Variants in TENM3 observed in about 807,000 individuals in gnomAD.
The protein encoded by TENM3 is teneurin transmembrane protein 3, also known as teneurin-3.
TENM3 carries 63 observed loss-of-function variants against 255.1 expected under a neutral mutation model. The observed-to-expected ratio is 0.25, with a 90% CI of 0.20 to 0.30. The LOEUF is 0.30. Ranked by LOEUF, TENM3 falls within the 10% of genes least tolerant of loss-of-function variation. The pLI is 1.00. For missense variants in TENM3, 2,929 were observed against 3,461.1 expected, an observed-to-expected ratio of 0.85 and a Z score of 3.86; for synonymous variants, 1,306 against 1,322.3, an observed-to-expected ratio of 0.99 and a Z score of 0.27.
the TENM3 span, among the ~76,000 whole-genome samples, chr4:181,863,891 C>T: frequency 6.6e-6 from 1 of 152,088 alleles, no homozygotes; most frequent in South Asian, 2.1e-4. Context: ...CACAGCACAG[C>T]CCATGATGAG....
chr4:182,164,480 C>T (rs376349148), intron 1 of TENM3, among the ~76,000 whole-genome samples: 5 of 152,184 alleles, frequency 3.3e-5, no homozygotes, highest in African/African-American at 7.2e-5. Flanking sequence ...TGGATTTGCA[C>T]GGTGACTTCC....
At chr4:181,516,369 A>T in the TENM3 span, among the ~76,000 whole-genome samples, 17 of 9,110 alleles carry the variant, frequency 1.9e-3, no homozygotes, top group Non-Finnish European at 4.2e-3. Context: ...AAAAATATTT[A>T]AAAAAAAAAA....
rs145845719 is a variant in TENM3 at position 182,365,098 on chromosome 4, A to G, written c.511+18169A>G. On this transcript the variant is annotated intron_variant, in intron 3 of 27. Transcript: ENST00000511685. ...GTTTCCATGCTTTAAATTTTTGACA[A>G]TTGGACCGATGAAACGTGTCTTACC... Among the ~76,000 whole-genome samples, 623 of 152,304 alleles carry G rather than the reference A, an allele frequency of 4.1e-3. 4 individuals are homozygous for G. Among genetic ancestry groups the G allele is most frequent in the African/African-American group, 0.014 (589 of 41,544 alleles).
the TENM3 span, among the ~76,000 whole-genome samples, chr4:182,006,882 T>G: frequency 6.6e-6 from 1 of 152,198 alleles, no homozygotes; most frequent in Non-Finnish European, 1.5e-5. Flanking sequence ...TAAGTTTCTG[T>G]CTTAATACTG....
chr4:182,658,738 C>T (rs1264702513), intron 6 of TENM3, among the ~76,000 whole-genome samples: 1 of 152,202 alleles, frequency 6.6e-6, no homozygotes, highest in African/African-American at 2.4e-5. Context: ...TAGGACACTG[C>T]GATTGCTTTC....
upstream of TENM3, among the ~76,000 whole-genome samples, chr4:182,242,478 T>A (rs1348118590): frequency 6.6e-6 from 1 of 152,138 alleles, no homozygotes; most frequent in Non-Finnish European, 1.5e-5. Context: ...AACTTCTTGG[T>A]GGCCCAGCAC....
chr4:181,944,239 G>C, the TENM3 span, among the ~76,000 whole-genome samples: 1 of 151,324 alleles, frequency 6.6e-6, no homozygotes, highest in Non-Finnish European at 1.5e-5. Context: ...AATCCCGTCT[G>C]AGTCTGAAGA....
chr4:182,417,166 T>C (rs571882187), intron 3 of TENM3, among the ~76,000 whole-genome samples: 98 of 152,000 alleles, frequency 6.4e-4, no homozygotes, highest in Non-Finnish European at 1.0e-3. Flanking sequence ...TTAGTAGAGA[T>C]GGGGTTTCAC....
At chr4:182,146,000 G>C (rs982463890) in intron 1 of TENM3, among the ~76,000 whole-genome samples, 1 of 152,076 alleles carries the variant, frequency 6.6e-6, no homozygotes, top group African/African-American at 2.4e-5. Context: ...TATTGTAACT[G>C]AACAGAACTT....
At chr4:181,688,922 C>G in the TENM3 span, among the ~76,000 whole-genome samples, 1 of 152,178 alleles carries the variant, frequency 6.6e-6, no homozygotes, top group East Asian at 1.9e-4. Flanking sequence ...CCTGGGTACC[C>G]TTAGTCTCAG....
chr4:182,251,290 C>T (rs113339768), intron 1 of TENM3, among the ~76,000 whole-genome samples: 1,576 of 152,140 alleles, frequency 0.01, 29 homozygotes, highest in African/African-American at 0.035. Flanking sequence ...GGCAACATAG[C>T]GAGACCCTGT....
At chr4:182,422,387 T>C (rs886802845) in intron 3 of TENM3, among the ~76,000 whole-genome samples, 1 of 152,202 alleles carries the variant, frequency 6.6e-6, no homozygotes, top group African/African-American at 2.4e-5. Flanking sequence ...TGTTGTCACA[T>C]TGACATTCCT....
the TENM3 span, among the ~76,000 whole-genome samples, chr4:182,024,199 C>T: frequency 1.3e-5 from 2 of 151,984 alleles, no homozygotes; most frequent in Admixed American, 6.6e-5. Flanking sequence ...TCTTAAGAAG[C>T]TTTATTACCA....
the TENM3 span, among the ~76,000 whole-genome samples, chr4:181,571,437 A>G: frequency 6.6e-6 from 1 of 152,110 alleles, no homozygotes; most frequent in Non-Finnish European, 1.5e-5. Context: ...CCTGTGCTCA[A>G]ATGATTCTCC....
intron 3 of TENM3, among the ~76,000 whole-genome samples, chr4:182,481,637 T>C (rs1223031929): frequency 6.6e-6 from 1 of 152,090 alleles, no homozygotes; most frequent in East Asian, 1.9e-4. Context: ...TCTACTAAAA[T>C]ACACAAAATT....
chr4:181,476,721 A>G, the TENM3 span, among the ~76,000 whole-genome samples: 1 of 152,204 alleles, frequency 6.6e-6, no homozygotes, highest in Non-Finnish European at 1.5e-5. Flanking sequence ...GTGCTCATAA[A>G]TACGTTTCCA....
the TENM3 span, among the ~76,000 whole-genome samples, chr4:181,928,157 A>G: frequency 2.0e-5 from 3 of 152,136 alleles, no homozygotes; most frequent in Non-Finnish European, 4.4e-5. Flanking sequence ...CAGCAAGGGA[A>G]CAAAACTGGG....
At chr4:182,455,673 T>A (rs1184524046) in intron 3 of TENM3, among the ~76,000 whole-genome samples, 1 of 147,654 alleles carries the variant, frequency 6.8e-6, no homozygotes, top group African/African-American at 2.5e-5. Context: ...GCGATTCTCC[T>A]GCCTCAGCCT....
the TENM3 span, among the ~76,000 whole-genome samples, chr4:182,099,557 C>T: frequency 6.6e-6 from 1 of 151,962 alleles, no homozygotes; most frequent in South Asian, 2.1e-4. Flanking sequence ...CCATGTTGAG[C>T]CTATAGGAAA....
Sources: gnomAD v4.1 joint callset for allele counts (sites outside exome capture counted in the v4.1 genomes callset) on GRCh38, gnomAD v4.1.1 for gene constraint, MANE v1.5 for transcripts, NCBI Gene and HGNC (gene_info 2026-07-23, HGNC 2026-07-21) for gene names.